The following CAMKMT variants were observed in gnomAD, a reference collection of about 807,000 sequenced individuals.
CAMKMT encodes the protein calmodulin-lysine N-methyltransferase, also known as CaM KMT.
In CAMKMT, 53 loss-of-function variants were observed where a neutral mutation model predicts 48.0. The observed-to-expected ratio is 1.10, with a 90% CI of 0.89 to 1.39. The LOEUF (loss-of-function observed/expected upper bound fraction) is 1.39, where lower values mean the gene tolerates loss of function less well. CAMKMT is among the 40% of genes most tolerant of loss of function. The probability of loss-of-function intolerance (pLI) is 0.00; values close to 1 mark genes in which losing one functional copy is unlikely to be tolerated. For synonymous variants in CAMKMT, 165 were observed against 152.3 expected, an observed-to-expected ratio of 1.08 and a Z score of -0.61; for missense variants, 428 against 402.7, an observed-to-expected ratio of 1.06 and a Z score of -0.54.
chr2:44,447,360 G>C (rs572179622), intron 3 of CAMKMT, among the ~76,000 whole-genome samples: 2 of 152,236 alleles, frequency 1.3e-5, no homozygotes, highest in South Asian at 2.1e-4. Flanking sequence ...GCTGTATTTT[G>C]TATCATACCC....
chr2:44,738,527 G>A (rs1679487758), intron 7 of CAMKMT, among the ~76,000 whole-genome samples: 1 of 152,180 alleles, frequency 6.6e-6, no homozygotes, highest in Non-Finnish European at 1.5e-5. Context: ...CCTTCTGTGT[G>A]CCAGGCACTG....
intron 3 of CAMKMT, among the ~76,000 whole-genome samples, chr2:44,536,072 A>G (rs1024933516): frequency 4.6e-5 from 7 of 152,230 alleles, no homozygotes; most frequent in Non-Finnish European, 1.0e-4. Context: ...CCAATAATGA[A>G]CTAGCTGAAA....
At chr2:44,572,503 T>G (rs1668969365) in intron 3 of CAMKMT, among the ~76,000 whole-genome samples, 1 of 152,254 alleles carries the variant, frequency 6.6e-6, no homozygotes, top group Admixed American at 6.5e-5. Flanking sequence ...ATGTATATAT[T>G]AATACTATAT....
chr2:44,709,944 G>A lies in CAMKMT; in HGVS notation c.556+2482G>A, dbSNP rs1677786426. Among the ~76,000 whole-genome samples the A allele has an allele frequency of 2.0e-5, 3 of 152,056 alleles. No individual in the cohort carries two copies. The South Asian group carries it at 6.2e-4, about 32-fold the overall frequency. ...ATGAATACATCAGTGAAATGTAATT[G>A]AAAATTGGCCTGGCAATGGCATATC... On this transcript the variant is annotated intron_variant, in intron 6 of 10. Coordinates refer to ENST00000378494, the MANE Select transcript of CAMKMT (RefSeq NM_024766.5).
At chr2:44,548,704 G>A (rs549378766) in intron 3 of CAMKMT, among the ~76,000 whole-genome samples, 2 of 152,312 alleles carry the variant, frequency 1.3e-5, no homozygotes, top group African/African-American at 4.8e-5. Flanking sequence ...CTGGCTTGAA[G>A]ATGGAGGCAG....
rs199763300 is a variant in CAMKMT at position 44,443,916 on chromosome 2, CAAATA to C, written c.376+53614_376+53618del. Among the ~76,000 whole-genome samples the C allele has an allele frequency of 2.2e-3, 330 of 152,084 alleles. No individual in the cohort carries two copies. In the Middle Eastern group the frequency reaches 0.027, roughly 13 times the overall value. ...CACAGAATTGGGCATAATAATGAAA[CAAATA>C]AAGAAAAAGTGCAAAGGCTTTTAAA... On this transcript the variant is annotated intron_variant, in intron 3 of 10. Transcript: ENST00000378494.
chr2:44,554,652 C>T (rs1264343190), intron 3 of CAMKMT, among the ~76,000 whole-genome samples: 4 of 152,086 alleles, frequency 2.6e-5, no homozygotes, highest in African/African-American at 9.7e-5. Flanking sequence ...GGGAGGATCA[C>T]TTGAGCCCAG....
At chr2:44,551,613 A>G (rs1667720033) in intron 3 of CAMKMT, among the ~76,000 whole-genome samples, 1 of 152,178 alleles carries the variant, frequency 6.6e-6, no homozygotes, top group Non-Finnish European at 1.5e-5. Context: ...GCTTTCTTCA[A>G]AACATCCTGG....
chr2:44,479,369 T>C (rs962116331), intron 3 of CAMKMT, among the ~76,000 whole-genome samples: 7 of 152,224 alleles, frequency 4.6e-5, no homozygotes, highest in Non-Finnish European at 1.0e-4. Flanking sequence ...TGAAACTGTT[T>C]ATGGAAGTGA....
intron 3 of CAMKMT, among the ~76,000 whole-genome samples, chr2:44,507,845 A>T (rs1670339303): frequency 6.6e-6 from 1 of 152,176 alleles, no homozygotes; most frequent in South Asian, 2.1e-4. Context: ...GTGTCAGCCG[A>T]ACTAAACAAT....
At position 44,362,126 on chromosome 2, in the gene CAMKMT, G is replaced by T; in HGVS notation, c.119G>T (p.Arg40Leu). ...GTCTCGGCGCCCCTGGGAGCCGCCC[G>T]GTGGAAGCTCCTGCGGCAGGTAAGG... is the stretch of plus-strand genomic sequence containing the variant. ...PVVSAPLGAA[R>L]WKLLRQVLKQ... The change falls in exon 1 of 11, where the codon CGG becomes CTG. Residue 40 changes from arginine to leucine, a missense_variant. Transcript: ENST00000378494. The T allele has an allele frequency of 6.8e-7, 1 of 1,477,258 alleles. No homozygotes were observed. Among genetic ancestry groups the T allele is most frequent in the Non-Finnish European group, 8.9e-7 (1 of 1,125,104 alleles). 91.5% of individuals were successfully genotyped at this position (1,477,258 alleles called of 1,614,324 possible). A position where few individuals can be genotyped will look rare whatever the true frequency, so the allele number is the denominator to read the frequency against.
intron 3 of CAMKMT, among the ~76,000 whole-genome samples, chr2:44,604,574 T>TTC (rs1458787275): frequency 2.0e-5 from 3 of 150,490 alleles, no homozygotes; most frequent in Admixed American, 6.7e-5. Flanking sequence ...TTTTTTTTTT[T>TTC]AACATTTTTA....
At chr2:44,719,130 C>G (rs977256847) in intron 7 of CAMKMT, among the ~76,000 whole-genome samples, 8 of 152,064 alleles carry the variant, frequency 5.3e-5, no homozygotes, top group African/African-American at 1.7e-4. Context: ...TTTTGGTTAC[C>G]CTGGACCCCT....
chr2:44,678,095 G>C (rs1165207153), intron 3 of CAMKMT, among the ~76,000 whole-genome samples: 1 of 151,998 alleles, frequency 6.6e-6, no homozygotes, highest in East Asian at 1.9e-4. Context: ...AACTAACTGT[G>C]TTCCTTACCT....
intron 3 of CAMKMT, among the ~76,000 whole-genome samples, chr2:44,401,426 G>A (rs1003813037): frequency 2.0e-5 from 3 of 151,950 alleles, no homozygotes; most frequent in Admixed American, 6.6e-5. Context: ...GCATGGTGGC[G>A]GACGCCTGTA....
intron 3 of CAMKMT, among the ~76,000 whole-genome samples, chr2:44,443,319 A>G (rs1666785564): frequency 6.6e-6 from 1 of 152,136 alleles, no homozygotes; most frequent in African/African-American, 2.4e-5. Flanking sequence ...CTGGTATGCT[A>G]TGGGGAAATT....
At chr2:44,391,251 A>T (rs1397446390) in intron 3 of CAMKMT, among the ~76,000 whole-genome samples, 1 of 152,192 alleles carries the variant, frequency 6.6e-6, no homozygotes, top group Non-Finnish European at 1.5e-5. Flanking sequence ...TTTTGATTTT[A>T]TAGAAAAATA....
intron 3 of CAMKMT, among the ~76,000 whole-genome samples, chr2:44,485,143 C>T (rs1347291916): frequency 6.6e-6 from 1 of 152,140 alleles, no homozygotes; most frequent in Non-Finnish European, 1.5e-5. Flanking sequence ...AACTGCTTGA[C>T]AGTGTCTGTT....
chr2:44,512,118 C>T (rs1302647967), intron 3 of CAMKMT, among the ~76,000 whole-genome samples: 1 of 152,320 alleles, frequency 6.6e-6, no homozygotes, highest in Admixed American at 6.5e-5. Context: ...GCTGCTACCA[C>T]TTACCAAGGA....
Sources: gnomAD v4.1 joint callset for allele counts (sites outside exome capture counted in the v4.1 genomes callset) on GRCh38, gnomAD v4.1.1 for gene constraint, MANE v1.5 for transcripts, NCBI Gene and HGNC (gene_info 2026-07-23, HGNC 2026-07-21) for gene names.